BTG3: variants seen among roughly 807,000 people sequenced by gnomAD.
BTG3 encodes protein BTG3.
A neutral mutation model predicts 25.8 loss-of-function variants in BTG3; 4 were observed. That is an observed-to-expected ratio of 0.16 (90% confidence interval 0.08 to 0.36). BTG3 has a LOEUF of 0.36. Among genes scored for constraint, BTG3 ranks in the 10% least tolerant of loss-of-function variants. The pLI is 1.00. For missense variants in BTG3, 201 were observed against 304.9 expected (o/e 0.66, Z 2.54); for synonymous variants, 107 against 99.9 (o/e 1.07, Z -0.42).
At chr21:17,598,536 G>A (rs373869832) in intron 4 of BTG3, 81 bp downstream of exon 4, 2 of 1,177,856 alleles carry the variant, frequency 1.7e-6, no homozygotes, top group South Asian at 1.5e-5. Flanking sequence ...CAGAAACCTT[G>A]GGCAATGCCA....
intron 2 of BTG3, among the ~76,000 whole-genome samples, chr21:17,605,288 T>C (rs758675382): frequency 6.6e-6 from 1 of 152,142 alleles, no homozygotes; most frequent in Non-Finnish European, 1.5e-5. Flanking sequence ...GCACGGAGTA[T>C]GAAAGTTGCA....
chr21:17,596,165 T>TA (rs1056209039), intron 4 of BTG3, among the ~76,000 whole-genome samples: 34 of 152,072 alleles, frequency 2.2e-4, no homozygotes, highest in East Asian at 9.6e-4. Context: ...TGAGCGATTT[T>TA]AAAAAAAGTA....
chr21:17,607,234 T>C (rs1399308837), intron 2 of BTG3, among the ~76,000 whole-genome samples: 1 of 152,206 alleles, frequency 6.6e-6, no homozygotes, highest in Non-Finnish European at 1.5e-5. Context: ...GTCTGACCTT[T>C]AAATATTTAC....
rs1245054330 is a variant in BTG3 at position 17,604,937 on chromosome 21, G to A, written c.234C>T (p.Asn78=). The part of the protein sequence containing the change: ...VDPDVLKACE[N]SCILYSDLGL... ...CCAGGTCACTATACAAGATGCAGCT[G>A]TTTTCACAGGCTTTCAGGACATCAG... The change falls in exon 3 of 5, where the codon AAC becomes AAT. Residue 78 remains asparagine (N), a synonymous_variant. Transcript: ENST00000348354. The A allele has an allele frequency of 6.2e-7, 1 of 1,614,154 alleles. No homozygotes were observed. Among genetic ancestry groups the A allele is most frequent in the African/African-American group, 1.3e-5 (1 of 75,042 alleles).
intron 3 of BTG3, among the ~76,000 whole-genome samples, chr21:17,600,613 G>A (rs2061559598): frequency 6.6e-6 from 1 of 151,860 alleles, no homozygotes; most frequent in African/African-American, 2.4e-5. Context: ...TTGAGCCCAG[G>A]AATTTGAGAC....
chr21:17,596,596 CTG>C (rs2061506870), intron 4 of BTG3, among the ~76,000 whole-genome samples: 1 of 151,930 alleles, frequency 6.6e-6, no homozygotes, highest in Non-Finnish European at 1.5e-5. Context: ...AAAAGACTAA[CTG>C]TATGTATGTG....
At chr21:17,601,935 T>TA (rs1232871917) in intron 3 of BTG3, among the ~76,000 whole-genome samples, 1 of 152,230 alleles carries the variant, frequency 6.6e-6, no homozygotes, top group Non-Finnish European at 1.5e-5. Context: ...ACTATTTTGG[T>TA]ATGAAGGCTC....
In BTG3 at chr21:17,609,005, T is replaced by C; in HGVS notation, c.140A>G (p.Tyr47Cys). 1 of 1,613,720 alleles carries C rather than the reference T, an allele frequency of 6.2e-7. No homozygotes were observed. Among genetic ancestry groups the C allele is most frequent in the Non-Finnish European group, 8.5e-7 (1 of 1,179,934 alleles). The change falls in exon 2 of 5, where the codon TAT (tyrosine) becomes TGT (cysteine). Residue 47 changes from tyrosine to cysteine, a missense_variant. Transcript: ENST00000348354. ...ILQEKYKNHW[Y>C]PEKPSKGQAY... ...CTGTCCTTTCGATGGTTTTTCTGGATACCAGTGATTTTTATATTTTTCTTG... is the reference window on the plus strand; with the variant it reads ...CTGTCCTTTCGATGGTTTTTCTGGACACCAGTGATTTTTATATTTTTCTTG...
At chr21:17,594,517 G>A (rs571230538) in intron 4 of BTG3, among the ~76,000 whole-genome samples, 185 bp from the exon 5 acceptor site, 1 of 152,102 alleles carries the variant, frequency 6.6e-6, no homozygotes, top group African/African-American at 2.4e-5. Flanking sequence ...TATAACAGGT[G>A]ACCAATGTTT....
chr21:17,597,164 T>C (rs980494301), intron 4 of BTG3, among the ~76,000 whole-genome samples: 1 of 152,056 alleles, frequency 6.6e-6, no homozygotes, highest in African/African-American at 2.4e-5. Context: ...GTTATCCTAA[T>C]AGTCTTTCAA....
At chr21:17,605,644 G>A (rs2061629934) in intron 2 of BTG3, among the ~76,000 whole-genome samples, 1 of 152,086 alleles carries the variant, frequency 6.6e-6, no homozygotes, top group Admixed American at 6.5e-5. Context: ...AATTAAGTGA[G>A]GAAAATTTCT....
At chr21:17,612,671 C>T (rs1229011323) in intron 1 of BTG3, 28 bp downstream of exon 1, 1 of 152,708 alleles carries the variant, frequency 6.5e-6, no homozygotes, top group Non-Finnish European at 1.5e-5. Flanking sequence ...CCCGCCATGT[C>T]TGCCTTTCCC....
chr21:17,609,644 G>A (rs77661407), intron 1 of BTG3, among the ~76,000 whole-genome samples: 8,922 of 152,272 alleles, frequency 0.059, 326 homozygotes, highest in Middle Eastern at 0.12. Flanking sequence ...GTTATCATAT[G>A]ACACGGCCAA....
intron 4 of BTG3, among the ~76,000 whole-genome samples, chr21:17,595,629 T>C (rs2061494602): frequency 6.6e-6 from 1 of 152,000 alleles, no homozygotes; most frequent in South Asian, 2.1e-4. Context: ...TAGCAATGAC[T>C]ATAAATTAAA....
At chr21:17,609,705 C>T (rs900118235) in intron 1 of BTG3, among the ~76,000 whole-genome samples, 2 of 152,146 alleles carry the variant, frequency 1.3e-5, no homozygotes, top group Admixed American at 6.6e-5. Context: ...CACACCAAAA[C>T]CTTGTACAGA....
chr21:17,606,067 TAATAGG>T lies in BTG3; in HGVS notation c.174-1076_174-1071del, dbSNP rs145870186. 6.3e-3 allele frequency among the ~76,000 whole-genome samples: 959 copies of T among 152,294 alleles called. 54 individuals carry two copies. The East Asian group carries it at 0.13, about 21-fold the overall frequency. On this transcript the variant is annotated intron_variant, in intron 2 of 4. Coordinates refer to ENST00000348354, the MANE Select transcript of BTG3 (RefSeq NM_006806.5). ...AAAAAATGAAAAAGTTCTCAACAGG[TAATAGG>T]AATAAGTGTTTCTACATAATAATAT...
At chr21:17,597,135 TC>T (rs1302963402) in intron 4 of BTG3, among the ~76,000 whole-genome samples, 1 of 152,070 alleles carries the variant, frequency 6.6e-6, no homozygotes, top group Non-Finnish European at 1.5e-5. Flanking sequence ...AAGAGACACC[TC>T]AATTTCCATA....
At chr21:17,598,153 A>T (rs1183062886) in intron 4 of BTG3, among the ~76,000 whole-genome samples, 1 of 152,182 alleles carries the variant, frequency 6.6e-6, no homozygotes, top group African/African-American at 2.4e-5. Flanking sequence ...TGACTTTTCA[A>T]CTAGTAAAGC....
intron 2 of BTG3, 178 bp downstream of exon 2, chr21:17,608,794 A>G: frequency 1.7e-6 from 1 of 572,356 alleles, no homozygotes; most frequent in Non-Finnish European, 2.8e-6. Context: ...GGACTCCACC[A>G]CTCCGCCAAC....
Sources: allele counts gnomAD v4.1 joint callset (sites outside exome capture counted in the v4.1 genomes callset), GRCh38; gene constraint gnomAD v4.1.1; transcripts MANE v1.5; gene names NCBI Gene and HGNC (gene_info 2026-07-23, HGNC 2026-07-21).